The following PCTP variants were observed in gnomAD, a reference collection of about 807,000 sequenced individuals.
The protein encoded by PCTP is START domain-containing protein 2.
In PCTP, 27 loss-of-function variants were observed where a neutral mutation model predicts 31.0. The ratio of observed to expected loss-of-function variants is 0.87; its 90% confidence interval spans 0.64 to 1.20. The LOEUF (loss-of-function observed/expected upper bound fraction) is 1.20. Ranked by LOEUF, PCTP falls within the 50% of genes most tolerant of loss-of-function variation. The pLI, the probability that PCTP is intolerant of heterozygous loss-of-function variation, is 0.00. For missense variants in PCTP, 287 were observed against 268.2 expected, an observed-to-expected ratio of 1.07 and a Z score of -0.49; for synonymous variants, 108 against 101.2, an observed-to-expected ratio of 1.07 and a Z score of -0.40.
downstream of PCTP, among the ~76,000 whole-genome samples, chr17:55,826,610 G>A (rs917549546): frequency 3.9e-5 from 6 of 152,140 alleles, no homozygotes; most frequent in Non-Finnish European, 8.8e-5. Context: ...CAGCCATAAC[G>A]CTAAAGACAT....
downstream of PCTP, among the ~76,000 whole-genome samples, chr17:55,827,228 C>G (rs1338339535): frequency 2.6e-5 from 4 of 152,138 alleles, no homozygotes; most frequent in African/African-American, 7.2e-5. Flanking sequence ...TCTCCAGAGG[C>G]TTTGCATGCT....
chr17:55,850,899 T>C, the PCTP span, among the ~76,000 whole-genome samples: 2 of 152,188 alleles, frequency 1.3e-5, no homozygotes, highest in Non-Finnish European at 2.9e-5. Flanking sequence ...ATGTTCTAAT[T>C]TAGTGATTCT....
At chr17:55,790,837 G>A (rs1194882799) in intron 3 of PCTP, among the ~76,000 whole-genome samples, 2 of 149,912 alleles carry the variant, frequency 1.3e-5, no homozygotes, top group African/African-American at 2.5e-5. Flanking sequence ...AAAAGGGCCC[G>A]CATCACCAAG....
chr17:55,833,776 C>G (rs1052279002), intron 5 of PCTP, among the ~76,000 whole-genome samples: 7 of 152,176 alleles, frequency 4.6e-5, no homozygotes, highest in Admixed American at 3.3e-4. Flanking sequence ...TTGGAATATT[C>G]TCATCCCCCG....
downstream of PCTP, among the ~76,000 whole-genome samples, chr17:55,847,752 TC>T: frequency 6.6e-6 from 1 of 152,114 alleles, no homozygotes; most frequent in Non-Finnish European, 1.5e-5. Flanking sequence ...CAGGAAGAGT[TC>T]CCCCTTGTTC....
At chr17:55,789,707 C>T (rs183212323) in intron 3 of PCTP, among the ~76,000 whole-genome samples, 2 of 152,066 alleles carry the variant, frequency 1.3e-5, no homozygotes, top group East Asian at 1.9e-4. Context: ...GATTCACAGC[C>T]GAATTCTACC....
chr17:55,766,869 A>G (rs1014718227), intron 1 of PCTP, among the ~76,000 whole-genome samples: 43 of 152,098 alleles, frequency 2.8e-4, no homozygotes, highest in African/African-American at 1.0e-3. Flanking sequence ...CTAGTTTACA[A>G]TCCCACCAAC....
At chr17:55,836,050 T>C (rs534608099) in intron 5 of PCTP, among the ~76,000 whole-genome samples, 1 of 152,310 alleles carries the variant, frequency 6.6e-6, no homozygotes, top group South Asian at 2.1e-4. Context: ...TTAGATTCTT[T>C]ATTCTTCTGT....
At chr17:55,756,700 G>A (rs1227779383) in intron 1 of PCTP, among the ~76,000 whole-genome samples, 1 of 144,406 alleles carries the variant, frequency 6.9e-6, no homozygotes, top group African/African-American at 2.5e-5. Context: ...ACACGTGTGT[G>A]TGTGTGTATT....
At chr17:55,774,710 G>A in intron 4 of PCTP, 82 bp from the exon 5 acceptor site, 1 of 1,132,740 alleles carries the variant, frequency 8.8e-7, no homozygotes, top group Non-Finnish European at 1.3e-6. Context: ...TGAATATGAA[G>A]ATATAAAGTT....
intron 3 of PCTP, among the ~76,000 whole-genome samples, chr17:55,820,695 AACTT>A (rs1913087115): frequency 6.6e-6 from 1 of 152,218 alleles, no homozygotes; most frequent in Non-Finnish European, 1.5e-5. Flanking sequence ...AAGAGACAAA[AACTT>A]AATTAAAAAA....
chr17:55,787,994 T>C (rs1911813949), intron 3 of PCTP, among the ~76,000 whole-genome samples: 1 of 152,158 alleles, frequency 6.6e-6, no homozygotes, highest in Admixed American at 6.5e-5. Flanking sequence ...CTGCTTGTAC[T>C]CTCTCTCTAT....
chr17:55,801,983 A>G (rs1402459635), intron 3 of PCTP, among the ~76,000 whole-genome samples: 1 of 152,174 alleles, frequency 6.6e-6, no homozygotes, highest in Non-Finnish European at 1.5e-5. Flanking sequence ...ACTAATAAGG[A>G]ATAAAAGAGA....
chr17:55,765,004 C>A (rs1910561402), intron 1 of PCTP, among the ~76,000 whole-genome samples: 1 of 152,162 alleles, frequency 6.6e-6, no homozygotes, highest in African/African-American at 2.4e-5. Flanking sequence ...AACTCTAGGC[C>A]AGGACCCTCA....
chr17:55,788,773 G>T (rs1567721791), intron 3 of PCTP, among the ~76,000 whole-genome samples: 1 of 152,134 alleles, frequency 6.6e-6, no homozygotes, highest in Non-Finnish European at 1.5e-5. Context: ...ATGCTAAAAT[G>T]TTCGGGGGAA....
intron 2 of PCTP, among the ~76,000 whole-genome samples, chr17:55,768,104 A>G (rs1910790002): frequency 1.4e-5 from 2 of 141,726 alleles, no homozygotes; most frequent in African/African-American, 2.5e-5. Context: ...AAAAAAGTCT[A>G]ATCTATTTTT....
chr17:55,785,013 A>G (rs1260461279), intron 2 of PCTP, among the ~76,000 whole-genome samples: 1 of 148,940 alleles, frequency 6.7e-6, no homozygotes, highest in Non-Finnish European at 1.5e-5. Context: ...ACGGCTCCCA[A>G]TAATCCCCAC....
intron 1 of PCTP, among the ~76,000 whole-genome samples, chr17:55,762,152 C>T (rs1021752728): frequency 3.3e-5 from 5 of 152,178 alleles, no homozygotes; most frequent in Non-Finnish European, 7.3e-5. Flanking sequence ...ATACTTTTCC[C>T]TGAGCCCAGC....
chr17:55,774,661 T>C (rs1911207496), intron 4 of PCTP, 131 bp from the exon 5 acceptor site: 1 of 698,994 alleles, frequency 1.4e-6, no homozygotes, highest in Non-Finnish European at 2.5e-6. Flanking sequence ...GAGAAGTCCA[T>C]CTGAATTATA....
Sources: allele counts gnomAD v4.1 joint callset (sites outside exome capture counted in the v4.1 genomes callset), GRCh38; gene constraint gnomAD v4.1.1; transcripts MANE v1.5; gene names NCBI Gene and HGNC (gene_info 2026-07-23, HGNC 2026-07-21).